KCTD8: variants seen among roughly 807,000 people sequenced by gnomAD.
The protein encoded by KCTD8 is BTB/POZ domain-containing protein KCTD8.
Under a neutral mutation model 31.5 loss-of-function variants are expected in KCTD8, and 27 were observed. The observed-to-expected ratio is 0.86, with a 90% CI of 0.63 to 1.18. The LOEUF is 1.18. Ranked by LOEUF, KCTD8 falls within the 50% of genes most tolerant of loss-of-function variation. The probability of loss-of-function intolerance (pLI) is 0.00; values close to 1 mark genes in which losing one functional copy is unlikely to be tolerated. For synonymous variants in KCTD8, 290 were observed against 280.0 expected (o/e 1.04, Z -0.36); for missense variants, 658 against 647.7 (o/e 1.02, Z -0.17).
intron 1 of KCTD8, among the ~76,000 whole-genome samples, chr4:44,341,195 A>T (rs1174455797): frequency 6.6e-6 from 1 of 152,196 alleles, no homozygotes; most frequent in African/African-American, 2.4e-5. Flanking sequence ...TACCTTAATT[A>T]AAAATATTTT....
chr4:44,287,163 T>A (rs1269093233), intron 1 of KCTD8, among the ~76,000 whole-genome samples: 1 of 152,074 alleles, frequency 6.6e-6, no homozygotes, highest in African/African-American at 2.4e-5. Flanking sequence ...ATGCCTATAA[T>A]CCCAGCACTT....
At chr4:44,424,152 G>C (rs974853118) in intron 1 of KCTD8, among the ~76,000 whole-genome samples, 4 of 151,958 alleles carry the variant, frequency 2.6e-5, no homozygotes, top group Non-Finnish European at 5.9e-5. Flanking sequence ...AAAATCAACG[G>C]GGTGACAATG....
chr4:44,323,481 T>G, intron 1 of KCTD8, among the ~76,000 whole-genome samples: 4 of 140,100 alleles, frequency 2.9e-5, no homozygotes, highest in South Asian at 2.3e-4. Flanking sequence ...GCGACAAGAG[T>G]GAAACTCCAT....
chr4:44,385,101 T>A (rs1404784601), intron 1 of KCTD8, among the ~76,000 whole-genome samples: 1 of 151,708 alleles, frequency 6.6e-6, no homozygotes, highest in East Asian at 1.9e-4. Context: ...AACATTTTCA[T>A]GGATTGGAAG....
At chr4:44,250,699 G>A (rs2089574491) in intron 1 of KCTD8, among the ~76,000 whole-genome samples, 1 of 151,664 alleles carries the variant, frequency 6.6e-6, no homozygotes, top group African/African-American at 2.4e-5. Context: ...TCTCTTTTGT[G>A]AATTTTCTGG....
At chr4:44,299,521 G>A (rs1239789008) in intron 1 of KCTD8, among the ~76,000 whole-genome samples, 1 of 152,096 alleles carries the variant, frequency 6.6e-6, no homozygotes, top group Non-Finnish European at 1.5e-5. Flanking sequence ...ACAAGGTCAG[G>A]AGATCCAGAA....
At chr4:44,193,769 G>T (rs1713839347) in intron 1 of KCTD8, among the ~76,000 whole-genome samples, 2 of 152,058 alleles carry the variant, frequency 1.3e-5, no homozygotes, top group African/African-American at 4.8e-5. Context: ...AAATGTAAGG[G>T]TTTTTGTTGT....
rs910049371 is a variant in KCTD8 at position 44,268,995 on chromosome 4, C to G, written c.962-93745G>C. Reference sequence around the variant, plus strand: ...GTAATTTATAGATTCAATGCCATCCCCATCAAGCTACCAATGACTTTCTTC... The same window carrying G: ...GTAATTTATAGATTCAATGCCATCCGCATCAAGCTACCAATGACTTTCTTC... On this transcript the variant is annotated intron_variant, in intron 1 of 1. Transcript: ENST00000360029. Among the ~76,000 whole-genome samples the G allele has an allele frequency of 2.5e-4, 38 of 152,158 alleles. 1 individual carries two copies. Among genetic ancestry groups the G allele is most frequent in the Admixed American group, 1.4e-3 (22 of 15,276 alleles).
chr4:44,266,178 G>C (rs1296471326), intron 1 of KCTD8, among the ~76,000 whole-genome samples: 1 of 152,164 alleles, frequency 6.6e-6, no homozygotes, highest in Admixed American at 6.6e-5. Context: ...AAGCCCATCA[G>C]ACTAACAGCG....
At chr4:44,213,128 G>A (rs1031674738) in intron 1 of KCTD8, among the ~76,000 whole-genome samples, 2 of 151,866 alleles carry the variant, frequency 1.3e-5, no homozygotes, top group African/African-American at 2.4e-5. Context: ...TAGTAGAGAC[G>A]GGTTTCACCA....
chr4:44,342,582 T>C (rs1276953265), intron 1 of KCTD8, among the ~76,000 whole-genome samples: 1 of 152,152 alleles, frequency 6.6e-6, no homozygotes, highest in African/African-American at 2.4e-5. Context: ...AAGTCTTCAG[T>C]TGCATTAGAT....
At chr4:44,430,180 C>G (rs12511706) in intron 1 of KCTD8, among the ~76,000 whole-genome samples, 128,085 of 151,672 alleles carry the variant, frequency 0.84, 54,270 homozygotes, top group South Asian at 0.9. Context: ...AAACTGCTCT[C>G]TTGGGTGACT....
intron 1 of KCTD8, among the ~76,000 whole-genome samples, chr4:44,418,170 C>T (rs190850047): frequency 2.0e-5 from 3 of 152,080 alleles, no homozygotes; most frequent in East Asian, 3.9e-4. Context: ...ACAGAGAAGG[C>T]CACCTAACTA....
At chr4:44,266,249 A>G (rs1025946941) in intron 1 of KCTD8, among the ~76,000 whole-genome samples, 9 of 152,032 alleles carry the variant, frequency 5.9e-5, no homozygotes, top group Non-Finnish European at 1.0e-4. Flanking sequence ...CAACATTCTT[A>G]AAGAAAAGAA....
chr4:44,221,956 T>C (rs568131353), intron 1 of KCTD8, among the ~76,000 whole-genome samples: 34 of 152,152 alleles, frequency 2.2e-4, no homozygotes, highest in Non-Finnish European at 3.5e-4. Context: ...CACATGTTAT[T>C]CCACTCAAAG....
At chr4:44,259,321 T>A (rs911543676) in intron 1 of KCTD8, among the ~76,000 whole-genome samples, 14 of 151,894 alleles carry the variant, frequency 9.2e-5, no homozygotes, top group Non-Finnish European at 1.5e-4. Context: ...AATTTATCCT[T>A]CAAATATAAT....
intron 1 of KCTD8, among the ~76,000 whole-genome samples, chr4:44,297,060 C>T (rs1393385598): frequency 6.6e-6 from 1 of 152,042 alleles, no homozygotes; most frequent in African/African-American, 2.4e-5. Flanking sequence ...CTGTTCTTCA[C>T]ATATCTATAT....
At chr4:44,414,464 T>C (rs568916563) in intron 1 of KCTD8, among the ~76,000 whole-genome samples, 1 of 152,058 alleles carries the variant, frequency 6.6e-6, no homozygotes, top group Non-Finnish European at 1.5e-5. Context: ...GCTATAAGAA[T>C]GGCATCATCT....
At chr4:44,327,682 AC>A (rs1718484381) in intron 1 of KCTD8, among the ~76,000 whole-genome samples, 1 of 151,754 alleles carries the variant, frequency 6.6e-6, no homozygotes, top group Admixed American at 6.6e-5. Flanking sequence ...GGGAAAAAAA[AC>A]AAAAACCTTT....
Sources: gnomAD v4.1 joint callset for allele counts (sites outside exome capture counted in the v4.1 genomes callset) on GRCh38, gnomAD v4.1.1 for gene constraint, MANE v1.5 for transcripts, NCBI Gene and HGNC (gene_info 2026-07-23, HGNC 2026-07-21) for gene names.